LRP1B: variants seen among roughly 807,000 people sequenced by gnomAD.
LRP1B encodes LDL receptor related protein 1B.
Under a neutral mutation model 556.6 loss-of-function variants are expected in LRP1B, and 217 were observed. That is an observed-to-expected ratio of 0.39 (90% CI 0.35 to 0.44). LRP1B has a LOEUF of 0.44. LRP1B is among the 20% of genes least tolerant of loss of function. The pLI is 1.00. For missense variants in LRP1B, 5,053 were observed against 5,620.8 expected (o/e 0.90, Z 3.23); for synonymous variants, 2,047 against 1,865.8 (o/e 1.10, Z -2.50).
At chr2:140,509,810 A>C in intron 52 of LRP1B, 118 bp downstream of exon 52, 281 of 1,264,410 alleles carry the variant, frequency 2.2e-4, no homozygotes, top group Middle Eastern at 8.6e-4. Context: ...AATACTACCT[A>C]TGGGCCCAGG....
chr2:140,303,018 T>TATATATATATAC (rs1464070639), intron 83 of LRP1B, among the ~76,000 whole-genome samples: 7 of 59,648 alleles, frequency 1.2e-4, no homozygotes, highest in African/African-American at 5.1e-4. Context: ...CCTTCATATA[T>TATATATATATAC]ATATATATAT....
chr2:142,093,414 G>A (rs1007921286), intron 1 of LRP1B, among the ~76,000 whole-genome samples: 9 of 152,096 alleles, frequency 5.9e-5, no homozygotes, highest in African/African-American at 2.2e-4. Context: ...CACTTGGGGT[G>A]CAAGGAATGG....
At chr2:140,838,143 T>G (rs1691978016) in intron 31 of LRP1B, among the ~76,000 whole-genome samples, 1 of 152,174 alleles carries the variant, frequency 6.6e-6, no homozygotes, top group Admixed American at 6.5e-5. Flanking sequence ...AATAAGCATA[T>G]AAATTAACAT....
At chr2:140,578,430 A>C (rs1681620041) in intron 43 of LRP1B, among the ~76,000 whole-genome samples, 1 of 152,196 alleles carries the variant, frequency 6.6e-6, no homozygotes, top group Non-Finnish European at 1.5e-5. Flanking sequence ...TGAATAAGAA[A>C]ATAAATTCTT....
At chr2:141,160,926 A>G (rs984709026) in intron 7 of LRP1B, among the ~76,000 whole-genome samples, 4 of 151,962 alleles carry the variant, frequency 2.6e-5, no homozygotes, top group African/African-American at 9.7e-5. Context: ...AGTGGTTACA[A>G]TTAAGAGTAT....
Position 141,415,532 on chromosome 2 carries a change from T to C in LRP1B, c.343+64864A>G, listed in dbSNP as rs2104952463. On this transcript the variant is annotated intron_variant, in intron 3 of 90. Transcript: ENST00000389484. The stretch of plus-strand genomic sequence containing the variant: ...TCTATAATGGTGGTATTAATAACAA[T>C]TGATTATCTGTCAGAGCATGATGGA... Among the ~76,000 whole-genome samples, 3 of 152,318 alleles carry C rather than the reference T, an allele frequency of 2.0e-5. 1 individual carries two copies. Among genetic ancestry groups the C allele is most frequent in the East Asian group, 1.9e-4 (1 of 5,182 alleles).
At chr2:141,525,915 GTTCT>G (rs1489678160) in intron 2 of LRP1B, among the ~76,000 whole-genome samples, 14 of 152,016 alleles carry the variant, frequency 9.2e-5, no homozygotes, top group African/African-American at 1.7e-4. Flanking sequence ...TTAGCTGGGT[GTTCT>G]TTGTTTTATT....
intron 1 of LRP1B, among the ~76,000 whole-genome samples, chr2:142,038,074 A>G: frequency 6.6e-6 from 1 of 151,760 alleles, no homozygotes; most frequent in South Asian, 2.1e-4. Context: ...TATTAAAAAA[A>G]TAAATTCCCT....
At chr2:141,841,890 T>C (rs1255321101) in intron 1 of LRP1B, among the ~76,000 whole-genome samples, 1 of 152,206 alleles carries the variant, frequency 6.6e-6, no homozygotes, top group Admixed American at 6.5e-5. Flanking sequence ...AAACAACCAA[T>C]GTAAGTACAA....
At chr2:140,628,704 T>G (rs538850963) in intron 41 of LRP1B, among the ~76,000 whole-genome samples, 7 of 152,278 alleles carry the variant, frequency 4.6e-5, no homozygotes, top group African/African-American at 1.7e-4. Flanking sequence ...GATAAGTGTA[T>G]ATTATGGTTA....
chr2:140,758,393 T>G, intron 35 of LRP1B, among the ~76,000 whole-genome samples: 1 of 152,048 alleles, frequency 6.6e-6, no homozygotes, highest in East Asian at 1.9e-4. Context: ...TCTGTGTTGT[T>G]GTAGTATTGG....
intron 41 of LRP1B, among the ~76,000 whole-genome samples, chr2:140,606,542 C>T (rs769492900): frequency 6.6e-6 from 1 of 151,746 alleles, no homozygotes; most frequent in Non-Finnish European, 1.5e-5. Context: ...ACAAGGGACC[C>T]AGAAAAGCCA....
At chr2:141,863,873 A>G (rs1441969280) in intron 1 of LRP1B, among the ~76,000 whole-genome samples, 1 of 152,204 alleles carries the variant, frequency 6.6e-6, no homozygotes, top group East Asian at 1.9e-4. Context: ...CCTAGTAATT[A>G]ACAATGAATG....
At chr2:140,854,880 A>T (rs981397604) in intron 27 of LRP1B, among the ~76,000 whole-genome samples, 3 of 152,198 alleles carry the variant, frequency 2.0e-5, no homozygotes, top group Admixed American at 2.0e-4. Flanking sequence ...ATAAACTTCT[A>T]CCAAAGCCAA....
intron 1 of LRP1B, among the ~76,000 whole-genome samples, chr2:141,948,146 A>C (rs1336822152): frequency 6.6e-6 from 1 of 151,994 alleles, no homozygotes; most frequent in Non-Finnish European, 1.5e-5. Flanking sequence ...GAATATACAA[A>C]AAATTAGCTG....
At chr2:140,306,887 T>A (rs1476164523) in intron 83 of LRP1B, among the ~76,000 whole-genome samples, 2 of 152,152 alleles carry the variant, frequency 1.3e-5, no homozygotes, top group African/African-American at 4.8e-5. Flanking sequence ...AAAGAACATT[T>A]TTATTTCTGC....
chr2:141,763,388 A>T (rs974519602), intron 2 of LRP1B, among the ~76,000 whole-genome samples: 1 of 152,154 alleles, frequency 6.6e-6, no homozygotes, highest in Admixed American at 6.5e-5. Flanking sequence ...ATAAAAATAT[A>T]TATTTTTAAA....
intron 1 of LRP1B, among the ~76,000 whole-genome samples, chr2:142,097,179 A>G (rs978792152): frequency 4.6e-5 from 7 of 151,668 alleles, no homozygotes; most frequent in Non-Finnish European, 8.9e-5. Context: ...ATGATTCTTT[A>G]TGCATAACAT....
chr2:140,261,715 GTAAA>G (rs1336430894), intron 86 of LRP1B, among the ~76,000 whole-genome samples: 2 of 150,560 alleles, frequency 1.3e-5, no homozygotes, highest in South Asian at 2.1e-4. Context: ...GTAATATATA[GTAAA>G]TAAACATAAG....
Sources: allele counts gnomAD v4.1 joint callset (sites outside exome capture counted in the v4.1 genomes callset), GRCh38; gene constraint gnomAD v4.1.1; transcripts MANE v1.5; gene names NCBI Gene and HGNC (gene_info 2026-07-23, HGNC 2026-07-21).